Variants in OST4 observed in about 807,000 individuals in gnomAD.
The protein encoded by OST4 is dolichyl-diphosphooligosaccharide--protein glycosyltransferase subunit 4.
A neutral mutation model predicts 2.1 loss-of-function variants in OST4; 3 were observed. The ratio of observed to expected loss-of-function variants is 1.42; its 90% CI spans 0.65 to 3.67. The LOEUF is 3.67. OST4 is among the 30% of genes most tolerant of loss of function. The pLI, the probability that OST4 is intolerant of heterozygous loss-of-function variation, is 0.03. For synonymous variants in OST4, 23 were observed against 21.6 expected (o/e 1.06, Z -0.18); for missense variants, 52 against 47.1 (o/e 1.10, Z -0.30).
chr2:27,071,553 C>G, intron 1 of OST4, 48 bp downstream of exon 1: 1 of 980,556 alleles, frequency 1.0e-6, no homozygotes, highest in South Asian at 1.4e-5. Context: ...GCCACGGCCA[C>G]GGCCACGGCG....
At chr2:27,071,097 T>A (rs560093935) in intron 2 of OST4, among the ~76,000 whole-genome samples, 2 of 152,312 alleles carry the variant, frequency 1.3e-5, no homozygotes, top group South Asian at 4.1e-4. Flanking sequence ...GGCATCTACC[T>A]ACTGGAGACT....
In OST4 at chr2:27,070,516, G is replaced by A. The variant is rs566486761; in HGVS notation, c.*229C>T. ...AGTCTATATTTTTATATTGGGGGGA[G>A]GGAGTAGAAAAGCAAGCCCCTATAC... On this transcript the variant is annotated 3_prime_UTR_variant, in exon 3 of 3. Coordinates refer to ENST00000456793, the MANE Select transcript of OST4 (RefSeq NM_001134693.2). The A allele has an allele frequency of 2.1e-3, 1,015 of 475,006 alleles. 26 individuals carry two copies. In the South Asian group the frequency reaches 0.029, roughly 13 times the overall value. The allele number at this position is 475,006 out of a possible 1,614,324, so 29.4% of individuals were successfully genotyped here.
intron 2 of OST4, among the ~76,000 whole-genome samples, chr2:27,070,964 G>A (rs561813140): frequency 6.6e-6 from 1 of 152,072 alleles, no homozygotes; most frequent in Non-Finnish European, 1.5e-5. Flanking sequence ...CCCAAATAAG[G>A]CCTAAACAAC....
chr2:27,071,606 C>T lies in OST4; in HGVS notation c.-7G>A. ...GGCCCCTGCGTGCCTCTGACCTGAC[C>T]AGTCCGGCTCGGCTCCGACGCCACC... is the stretch of plus-strand genomic sequence containing the variant. On this transcript the variant is annotated 5_prime_UTR_variant, in exon 1 of 3. Coordinates refer to ENST00000456793, the MANE Select transcript of OST4 (RefSeq NM_001134693.2). 1.7e-6 allele frequency: 1 copy of T among 573,736 alleles called. No homozygotes were observed. The highest frequency in any genetic ancestry group is 3.0e-5 in the East Asian group (1 of 33,110). 35.5% of individuals were successfully genotyped at this position (573,736 alleles called of 1,614,324 possible). A position where few individuals can be genotyped will look rare whatever the true frequency, so the allele number is the denominator to read the frequency against.
At position 27,071,369 on chromosome 2, in the gene OST4, T is replaced by G. The variant is rs1462436603; in HGVS notation, c.94A>C (p.Asn32His). 6.4e-7 allele frequency: 1 copy of G among 1,551,606 alleles called. No homozygotes were observed. Among genetic ancestry groups the G allele is most frequent in the East Asian group, 2.4e-5 (1 of 40,918 alleles). ...VVLYHYVAVN[N>H]PKKQE ...CACTTTCATTCCTGCTTCTTGGGAT[T>G]GTTGACGGCCACGTAGTGATAGAGA... The change falls in exon 2 of 3, where the codon AAT becomes CAT. Residue 32 changes from asparagine to histidine, a missense_variant. Asn to His is a moderately conservative substitution (Grantham distance 68, BLOSUM62 1). Transcript: ENST00000456793.
intron 2 of OST4, 129 bp from the exon 3 acceptor site, chr2:27,070,850 G>GC (rs576376692): frequency 4.5e-5 from 7 of 155,846 alleles, no homozygotes; most frequent in Non-Finnish European, 8.6e-5. Context: ...TGGCTCCAAA[G>GC]CCCCCCCTTC....
In OST4 at chr2:27,070,617, A is replaced by T. The variant is rs1669241984; in HGVS notation, c.*128T>A. 1 of 206,028 alleles carries T rather than the reference A, an allele frequency of 4.9e-6. No individual in the cohort carries two copies. The highest frequency in any genetic ancestry group is 9.9e-6 in the Non-Finnish European group (1 of 101,098). 12.8% of individuals were successfully genotyped at this position (206,028 alleles called of 1,614,324 possible). On this transcript the variant is annotated 3_prime_UTR_variant, in exon 3 of 3. Transcript: ENST00000456793. ...TGAGGAAATAAAAGTTGTTTGGAAA[A>T]ATCCAGGTGTAGTTGCTTTGTATGT...
At position 27,071,228 on chromosome 2, in the gene OST4, C is replaced by G. The variant is rs188799762; in HGVS notation, c.*23+98G>C. ...CAGTTCTGGACTGTATCATGCTTGG[C>G]CCGACACTTTCTGATTGTAAGTTTC... On this transcript the variant is annotated intron_variant, in intron 2 of 2. Transcript: ENST00000456793. 15 of 741,492 alleles carry G rather than the reference C, an allele frequency of 2.0e-5. No individual in the cohort carries two copies. The East Asian group carries it at 4.1e-4, about 20-fold the overall frequency. 45.9% of individuals were successfully genotyped at this position (741,492 alleles called of 1,614,324 possible). A position where few individuals can be genotyped will look rare whatever the true frequency, so the allele number is the denominator to read the frequency against.
chr2:27,071,087 G>A (rs866170974), intron 2 of OST4, among the ~76,000 whole-genome samples: 47 of 152,136 alleles, frequency 3.1e-4, no homozygotes, highest in African/African-American at 1.0e-3. Context: ...TCCCAACTTG[G>A]GCATCTACCT....
chr2:27,071,011 T>C (rs1387870896), intron 2 of OST4, among the ~76,000 whole-genome samples: 2 of 152,204 alleles, frequency 1.3e-5, no homozygotes, highest in African/African-American at 4.8e-5. Context: ...GCCCAAATCC[T>C]CATACTTGGA....
intron 2 of OST4, 69 bp downstream of exon 2, chr2:27,071,257 C>T: frequency 1.0e-6 from 1 of 964,736 alleles, no homozygotes; most frequent in South Asian, 1.4e-5. Context: ...AAGTTTCGAA[C>T]CCTGCTAGCC....
At position 27,070,646 on chromosome 2, in the gene OST4, G is replaced by C; in HGVS notation, c.*99C>G. 1 of 183,774 alleles carries C rather than the reference G, an allele frequency of 5.4e-6. No homozygotes were observed. 11.4% of individuals were successfully genotyped at this position (183,774 alleles called of 1,614,324 possible). A position where few individuals can be genotyped will look rare whatever the true frequency, so the allele number is the denominator to read the frequency against. On this transcript the variant is annotated 3_prime_UTR_variant, in exon 3 of 3. Coordinates refer to ENST00000456793, the MANE Select transcript of OST4 (RefSeq NM_001134693.2). ...CAGGTGTAGTTGCTTTGTATGTTGT[G>C]ATGGGTAGAAGGGATGAAGTGAAGT...
In OST4 at chr2:27,070,507, T is replaced by G. The variant is rs1290693807; in HGVS notation, c.*238A>C. On this transcript the variant is annotated 3_prime_UTR_variant, in exon 3 of 3. Coordinates refer to ENST00000456793, the MANE Select transcript of OST4 (RefSeq NM_001134693.2). ...ACAAAAAAAAGTCTATATTTTTATA[T>G]TGGGGGGAGGGAGTAGAAAAGCAAG... The G allele has an allele frequency of 2.0e-6, 1 of 490,798 alleles. No individual in the cohort carries two copies. The highest frequency in any genetic ancestry group is 3.6e-6 in the Non-Finnish European group (1 of 273,980). The allele number at this position is 490,798 out of a possible 1,614,324, so 30.4% of individuals were successfully genotyped here. A position where few individuals can be genotyped will look rare whatever the true frequency, so the allele number is the denominator to read the frequency against.
chr2:27,071,530 G>T, intron 1 of OST4, 67 bp from the exon 2 acceptor site: 2 of 1,325,966 alleles, frequency 1.5e-6, no homozygotes, highest in Non-Finnish European at 1.0e-6. Flanking sequence ...ACCCGTCCTC[G>T]CCCCACGGGC....
intron 1 of OST4, 62 bp downstream of exon 1, chr2:27,071,539 G>A (rs925512788): frequency 8.4e-7 from 1 of 1,190,440 alleles, no homozygotes. Context: ...CGCCCCACGG[G>A]CCAGCCACGG....
intron 2 of OST4, 90 bp downstream of exon 2, chr2:27,071,236 T>C: frequency 1.3e-6 from 1 of 791,320 alleles, no homozygotes; most frequent in South Asian, 1.6e-5. Flanking sequence ...GGCCCGACAC[T>C]TTCTGATTGT....
chr2:27,071,446 T>G lies in OST4; in HGVS notation c.17A>C (p.Gln6Pro), dbSNP rs1669269156. The G allele has an allele frequency of 5.2e-6, 8 of 1,551,494 alleles. No individual in the cohort carries two copies. The highest frequency in any genetic ancestry group is 7.0e-6 in the Non-Finnish European group (8 of 1,146,912). ...CAGCATGTTGGCGAAGATGGCGAGC[T>G]GCACGTCCGTGATCATCCTGCGGAG... MITDVQLAIFANMLGV... is the reference protein window; with the variant it reads MITDVPLAIFANMLGV... The change falls in exon 2 of 3, where the codon CAG (glutamine) becomes CCG (proline). Residue 6 changes from glutamine to proline, a missense_variant. Physicochemically the swap from Gln to Pro is moderately conservative, Grantham distance 76. Coordinates refer to ENST00000456793, the MANE Select transcript of OST4 (RefSeq NM_001134693.2).
Position 27,070,656 on chromosome 2 carries a change from A to G in OST4, c.*89T>C. 5.7e-6 allele frequency: 1 copy of G among 174,310 alleles called. No individual in the cohort carries two copies. The highest frequency in any genetic ancestry group is 1.2e-5 in the Non-Finnish European group (1 of 80,606). The allele number at this position is 174,310 out of a possible 1,614,324, so 10.8% of individuals were successfully genotyped here. On this transcript the variant is annotated 3_prime_UTR_variant, in exon 3 of 3. Coordinates refer to ENST00000456793, the MANE Select transcript of OST4 (RefSeq NM_001134693.2). ...TGCTTTGTATGTTGTGATGGGTAGA[A>G]GGGATGAAGTGAAGTGTGAAGGCCC...
intron 2 of OST4, among the ~76,000 whole-genome samples, chr2:27,071,078 C>T (rs1026187164): frequency 6.6e-6 from 1 of 152,216 alleles, no homozygotes; most frequent in African/African-American, 2.4e-5. Flanking sequence ...CAACTATACT[C>T]CCAACTTGGG....
Sources: gnomAD v4.1 joint callset for allele counts (sites outside exome capture counted in the v4.1 genomes callset) on GRCh38, gnomAD v4.1.1 for gene constraint, MANE v1.5 for transcripts, NCBI Gene and HGNC (gene_info 2026-07-23, HGNC 2026-07-21) for gene names.